Variants in DYRK1A observed in about 807,000 individuals in gnomAD.
The protein encoded by DYRK1A is dual specificity tyrosine-phosphorylation-regulated kinase 1A.
A neutral mutation model predicts 79.7 loss-of-function variants in DYRK1A; 9 were observed. The observed-to-expected ratio is 0.11, with a 90% confidence interval of 0.07 to 0.20. DYRK1A has a LOEUF of 0.20. Among genes scored for constraint, DYRK1A ranks in the 10% least tolerant of loss-of-function variants. DYRK1A has a pLI of 1.00. For missense variants in DYRK1A, 622 were observed against 956.0 expected, an observed-to-expected ratio of 0.65 and a Z score of 4.61; for synonymous variants, 349 against 329.7, an observed-to-expected ratio of 1.06 and a Z score of -0.63.
At chr21:37,367,707 A>G (rs1047822260) in intron 1 of DYRK1A, 79 bp downstream of exon 1, 1 of 136,556 alleles carries the variant, frequency 7.3e-6, no homozygotes, top group Non-Finnish European at 1.6e-5. Context: ...GCCGGAGCCG[A>G]GGCCGGCCGG....
chr21:37,475,227 T>G lies in DYRK1A; in HGVS notation c.207+2347T>G, dbSNP rs187041098. ...CAGGAGGAGGTCACCTCAACTTCCC[T>G]TTTATTAGGTTACTTGCCTTGCAAA... On this transcript the variant is annotated intron_variant, in intron 3 of 11. Transcript: ENST00000647188. Among the ~76,000 whole-genome samples the G allele has an allele frequency of 5.9e-4, 90 of 152,330 alleles. 2 individuals carry two copies. The East Asian group carries it at 0.016, about 27-fold the overall frequency.
chr21:37,516,245 A>G lies in DYRK1A; in HGVS notation c.*3714A>G, dbSNP rs1019830847. On this transcript the variant is annotated 3_prime_UTR_variant, in exon 12 of 12. Transcript: ENST00000647188. The stretch of plus-strand genomic sequence containing the variant: ...ACATGACTTGGTCTTACTGCTATAT[A>G]TGAAGGAAGTTTGAAAATGTAATGG... 9 of 152,182 alleles carry G rather than the reference A, an allele frequency of 5.9e-5. No homozygotes were observed. Among genetic ancestry groups the G allele is most frequent in the Non-Finnish European group, 1.0e-4 (7 of 68,032 alleles). 9.4% of individuals were successfully genotyped at this position (152,182 alleles called of 1,614,324 possible). A position where few individuals can be genotyped will look rare whatever the true frequency, so the allele number is the denominator to read the frequency against.
intron 11 of DYRK1A, among the ~76,000 whole-genome samples, chr21:37,510,942 G>A (rs2053732386): frequency 6.6e-6 from 1 of 152,198 alleles, no homozygotes. Flanking sequence ...AGTAGCTTCT[G>A]CCACAGTTGT....
At chr21:37,386,588 C>G (rs909897627) in intron 1 of DYRK1A, among the ~76,000 whole-genome samples, 3 of 150,032 alleles carry the variant, frequency 2.0e-5, no homozygotes, top group African/African-American at 7.6e-5. Context: ...TTCAATTTAC[C>G]TGTCTATTCT....
chr21:37,423,269 C>T (rs1265046669), intron 2 of DYRK1A, among the ~76,000 whole-genome samples: 3 of 152,110 alleles, frequency 2.0e-5, no homozygotes, highest in African/African-American at 4.8e-5. Context: ...CCGAGCTCCA[C>T]ACTCAGGTAA....
chr21:37,484,049 T>TA (rs1464213131), intron 5 of DYRK1A, among the ~76,000 whole-genome samples: 1 of 152,148 alleles, frequency 6.6e-6, no homozygotes, highest in African/African-American at 2.4e-5. Flanking sequence ...CAGCAAGCAT[T>TA]ACCGCCTGAG....
At chr21:37,371,200 G>C (rs976518171) in intron 1 of DYRK1A, among the ~76,000 whole-genome samples, 6 of 152,278 alleles carry the variant, frequency 3.9e-5, no homozygotes, top group Admixed American at 3.9e-4. Context: ...GAGTTGTAAA[G>C]TTTACCATAG....
intron 2 of DYRK1A, among the ~76,000 whole-genome samples, chr21:37,425,260 G>T (rs1054958693): frequency 6.6e-6 from 1 of 152,120 alleles, no homozygotes; most frequent in Non-Finnish European, 1.5e-5. Flanking sequence ...CTCAGCAAAT[G>T]CAAAAAGAAT....
At chr21:37,436,352 G>A (rs1191212970) in intron 2 of DYRK1A, among the ~76,000 whole-genome samples, 1 of 152,136 alleles carries the variant, frequency 6.6e-6, no homozygotes, top group African/African-American at 2.4e-5. Context: ...CAAGGACTCC[G>A]GGGCCTTAGG....
intron 2 of DYRK1A, among the ~76,000 whole-genome samples, chr21:37,468,082 A>C (rs1005854906): frequency 5.3e-5 from 8 of 152,298 alleles, no homozygotes; most frequent in African/African-American, 1.9e-4. Flanking sequence ...GAGGTGAATC[A>C]GGAACTTACA....
At chr21:37,501,997 C>T in intron 9 of DYRK1A, 1 of 152,102 alleles carries the variant, frequency 6.6e-6, no homozygotes, top group Non-Finnish European at 1.5e-5. Flanking sequence ...CTCTTTGTCT[C>T]TAGTCATGTT....
intron 2 of DYRK1A, among the ~76,000 whole-genome samples, chr21:37,466,683 GTAT>G (rs1301500687): frequency 6.6e-6 from 1 of 152,084 alleles, no homozygotes; most frequent in Non-Finnish European, 1.5e-5. Flanking sequence ...ATGATAAAAG[GTAT>G]TATTCATCAG....
chr21:37,405,168 A>G (rs1429445965), intron 1 of DYRK1A, among the ~76,000 whole-genome samples: 1 of 152,040 alleles, frequency 6.6e-6, no homozygotes, highest in Non-Finnish European at 1.5e-5. Flanking sequence ...GATGAGGCCC[A>G]CTGAGAGGAC....
At chr21:37,380,786 C>T (rs2049641319) in intron 1 of DYRK1A, among the ~76,000 whole-genome samples, 1 of 152,030 alleles carries the variant, frequency 6.6e-6, no homozygotes, top group Non-Finnish European at 1.5e-5. Flanking sequence ...GTAGAGACCA[C>T]GCTAGTCACA....
intron 2 of DYRK1A, among the ~76,000 whole-genome samples, chr21:37,422,508 T>C (rs1027836474): frequency 6.6e-6 from 1 of 152,184 alleles, no homozygotes; most frequent in Non-Finnish European, 1.5e-5. Flanking sequence ...CCTCTGGCAT[T>C]GTTCATGGTA....
intron 1 of DYRK1A, among the ~76,000 whole-genome samples, chr21:37,401,978 T>C (rs2050062228): frequency 6.6e-6 from 1 of 152,220 alleles, no homozygotes; most frequent in African/African-American, 2.4e-5. Flanking sequence ...ACACTGACAA[T>C]TTCCACTTCC....
chr21:37,517,421 ATCT>A lies in DYRK1A; in HGVS notation c.*4893_*4895del, dbSNP rs1215090230. 6.6e-6 allele frequency: 1 copy of A among 152,188 alleles called. No individual in the cohort carries two copies. Among genetic ancestry groups the A allele is most frequent in the Non-Finnish European group, 1.5e-5 (1 of 68,040 alleles). 9.4% of individuals were successfully genotyped at this position (152,188 alleles called of 1,614,324 possible). On this transcript the variant is annotated 3_prime_UTR_variant, in exon 12 of 12. Coordinates refer to ENST00000647188, the MANE Select transcript of DYRK1A (RefSeq NM_001347721.2). ...TGTCTGAAAGACCAGCTATTTGATAATCTTCCCGATTAAATTTCTAAAATTGCT... is the reference window on the plus strand; with the variant it reads ...TGTCTGAAAGACCAGCTATTTGATAATCCCGATTAAATTTCTAAAATTGCT...
rs1183814337 is a variant in DYRK1A, at chr21:37,513,429, C to G, written c.*898C>G. 1.3e-5 allele frequency: 2 copies of G among 152,610 alleles called. No individual in the cohort carries two copies. Among genetic ancestry groups the G allele is most frequent in the African/African-American group, 4.8e-5 (2 of 41,452 alleles). The allele number at this position is 152,610 out of a possible 1,614,324, so 9.5% of individuals were successfully genotyped here. On this transcript the variant is annotated 3_prime_UTR_variant, in exon 12 of 12. Transcript: ENST00000647188. Reference sequence around the variant, plus strand: ...TCAGATGCAATCACTTTTGGACATGCTTTTGCAGACAGTCCTTAATGCTGA... The same window carrying G: ...TCAGATGCAATCACTTTTGGACATGGTTTTGCAGACAGTCCTTAATGCTGA...
intron 3 of DYRK1A, 125 bp from the exon 4 acceptor site, chr21:37,478,083 A>C: frequency 7.9e-7 from 1 of 1,268,436 alleles, no homozygotes; most frequent in Non-Finnish European, 1.1e-6. Context: ...ATAATCATCT[A>C]ATGTGTAGCT....
Sources: gnomAD v4.1 joint callset for allele counts (sites outside exome capture counted in the v4.1 genomes callset) on GRCh38, gnomAD v4.1.1 for gene constraint, MANE v1.5 for transcripts, NCBI Gene and HGNC (gene_info 2026-07-23, HGNC 2026-07-21) for gene names.